Variants in VTA1 observed in about 807,000 individuals in gnomAD.
VTA1 encodes vacuolar protein sorting-associated protein VTA1 homolog.
In VTA1, 24 loss-of-function variants were observed where a neutral mutation model predicts 36.9. The ratio of observed to expected loss-of-function variants is 0.65; its 90% CI spans 0.47 to 0.91. VTA1 has a LOEUF of 0.91. Ranked by LOEUF, VTA1 falls within the 40% of genes least tolerant of loss-of-function variation. VTA1 has a pLI of 0.00. For missense variants in VTA1, 393 were observed against 377.2 expected (o/e 1.04, Z -0.35); for synonymous variants, 142 against 130.2 (o/e 1.09, Z -0.62).
chr6:142,202,953 A>G (rs1253519691), intron 6 of VTA1, among the ~76,000 whole-genome samples: 4 of 152,004 alleles, frequency 2.6e-5, no homozygotes, highest in Admixed American at 2.6e-4. Flanking sequence ...CTGGAAAACA[A>G]TTAAGTGAGG....
At chr6:142,174,047 G>A (rs1214115705) in intron 4 of VTA1, among the ~76,000 whole-genome samples, 1 of 152,088 alleles carries the variant, frequency 6.6e-6, no homozygotes, top group Non-Finnish European at 1.5e-5. Flanking sequence ...TAGTTGGAGG[G>A]GTCTGGAATG....
At chr6:142,190,326 T>C (rs570220873) in intron 5 of VTA1, among the ~76,000 whole-genome samples, 2 of 152,312 alleles carry the variant, frequency 1.3e-5, no homozygotes, top group South Asian at 4.1e-4. Context: ...TAGTTTTTTT[T>C]GTGTATCTTT....
intron 5 of VTA1, among the ~76,000 whole-genome samples, chr6:142,194,873 G>C (rs1035327175): frequency 2.0e-5 from 3 of 151,960 alleles, no homozygotes; most frequent in Admixed American, 6.6e-5. Context: ...GTTGAATTTT[G>C]TCAAGTGCTT....
At chr6:142,196,040 A>G (rs1345662778) in intron 5 of VTA1, among the ~76,000 whole-genome samples, 2 of 152,110 alleles carry the variant, frequency 1.3e-5, no homozygotes, top group Non-Finnish European at 1.5e-5. Flanking sequence ...CTCCAAGTAC[A>G]GTGGTTTTAC....
At chr6:142,208,057 C>G (rs887998003) in intron 7 of VTA1, among the ~76,000 whole-genome samples, 3 of 146,014 alleles carry the variant, frequency 2.1e-5, no homozygotes, top group Non-Finnish European at 4.5e-5. Context: ...ACTGCACTCT[C>G]CAGCCTGGGT....
intron 4 of VTA1, 114 bp from the exon 5 acceptor site, chr6:142,189,312 C>T: frequency 1.3e-6 from 1 of 781,284 alleles, no homozygotes; most frequent in East Asian, 2.7e-5. Context: ...TCTTTTAGAG[C>T]TGTAATCTGC....
rs1776050035 is a variant in VTA1, at chr6:142,218,778, C to G, written c.*135C>G. On this transcript the variant is annotated 3_prime_UTR_variant, in exon 8 of 8. Coordinates refer to ENST00000367630, the MANE Select transcript of VTA1 (RefSeq NM_016485.5). ...ATATGACAATGAAATCTGTGTGTATCAGATTTTTATTGAAGCATTCATCAG... is the reference window on the plus strand; with the variant it reads ...ATATGACAATGAAATCTGTGTGTATGAGATTTTTATTGAAGCATTCATCAG... 2.8e-6 allele frequency: 3 copies of G among 1,059,040 alleles called. No individual in the cohort carries two copies. The highest frequency in any genetic ancestry group is 3.5e-5 in the Admixed American group (1 of 28,248). 65.6% of individuals were successfully genotyped at this position (1,059,040 alleles called of 1,614,324 possible).
chr6:142,194,140 G>T (rs939539599), intron 5 of VTA1, among the ~76,000 whole-genome samples: 2 of 152,116 alleles, frequency 1.3e-5, no homozygotes, highest in African/African-American at 4.8e-5. Flanking sequence ...CCAAAAGAGA[G>T]GTACTGTGCC....
At chr6:142,153,158 C>A (rs1401994483) in intron 1 of VTA1, among the ~76,000 whole-genome samples, 1 of 151,976 alleles carries the variant, frequency 6.6e-6, no homozygotes, top group African/African-American at 2.4e-5. Context: ...TTTACAAATT[C>A]TTAATGAATG....
rs146573976 is a variant in VTA1, at chr6:142,163,732, CAT to C, written c.113-2494_113-2493del. On this transcript the variant is annotated intron_variant, in intron 1 of 7. Coordinates refer to ENST00000367630, the MANE Select transcript of VTA1 (RefSeq NM_016485.5). ...CATGGGCTAGGTTGGGGCAAGAAAACATAGTTCATAATTGAGAGGAGTGAGGA... is the reference window on the plus strand; with the variant it reads ...CATGGGCTAGGTTGGGGCAAGAAAACAGTTCATAATTGAGAGGAGTGAGGA... 3.8e-3 allele frequency among the ~76,000 whole-genome samples: 577 copies of C among 152,042 alleles called. 2 individuals carry two copies. The highest frequency in any genetic ancestry group is 0.014 in the Middle Eastern group (4 of 292).
At chr6:142,180,689 A>G (rs559774072) in intron 4 of VTA1, among the ~76,000 whole-genome samples, 2 of 152,304 alleles carry the variant, frequency 1.3e-5, no homozygotes, top group East Asian at 3.9e-4. Context: ...AACACCACTA[A>G]TATTGGGACA....
intron 1 of VTA1, among the ~76,000 whole-genome samples, chr6:142,163,971 A>G (rs973106234): frequency 1.3e-5 from 2 of 152,150 alleles, no homozygotes; most frequent in African/African-American, 2.4e-5. Context: ...TTTATTTTCC[A>G]TACTCTAGCC....
chr6:142,215,633 A>T (rs1369164473), intron 7 of VTA1, among the ~76,000 whole-genome samples: 1 of 152,146 alleles, frequency 6.6e-6, no homozygotes, highest in Non-Finnish European at 1.5e-5. Context: ...GTCAAAGGAT[A>T]ATAGAGTATA....
intron 1 of VTA1, among the ~76,000 whole-genome samples, chr6:142,157,491 A>G (rs1195411351): frequency 6.6e-6 from 1 of 152,152 alleles, no homozygotes; most frequent in Non-Finnish European, 1.5e-5. Flanking sequence ...CATGAGTTTT[A>G]TTTTGTAAAA....
At chr6:142,161,161 C>G (rs534856218) in intron 1 of VTA1, among the ~76,000 whole-genome samples, 45 of 139,528 alleles carry the variant, frequency 3.2e-4, no homozygotes, top group African/African-American at 1.1e-3. Context: ...TGTACAAAAA[C>G]TGTATAATAA....
At chr6:142,186,729 G>A (rs1208668653) in intron 4 of VTA1, among the ~76,000 whole-genome samples, 3 of 152,054 alleles carry the variant, frequency 2.0e-5, no homozygotes, top group East Asian at 1.9e-4. Context: ...ACATAGTCGG[G>A]TATTTGTCAA....
At chr6:142,195,702 C>T (rs998075742) in intron 5 of VTA1, among the ~76,000 whole-genome samples, 2 of 148,096 alleles carry the variant, frequency 1.4e-5, no homozygotes, top group African/African-American at 5.0e-5. Flanking sequence ...CAGTTTCCCT[C>T]TAAGCATTGG....
chr6:142,213,937 T>G (rs745837737), intron 7 of VTA1, among the ~76,000 whole-genome samples: 3 of 152,344 alleles, frequency 2.0e-5, no homozygotes, highest in Admixed American at 1.3e-4. Flanking sequence ...CTGTGAACAT[T>G]CAACTCCTCT....
At chr6:142,177,395 A>G (rs768737409) in intron 4 of VTA1, among the ~76,000 whole-genome samples, 5 of 152,202 alleles carry the variant, frequency 3.3e-5, no homozygotes, top group Non-Finnish European at 7.3e-5. Flanking sequence ...AAGATGATGA[A>G]AATTGTAATA....
Sources: gnomAD v4.1 joint callset for allele counts (sites outside exome capture counted in the v4.1 genomes callset) on GRCh38, gnomAD v4.1.1 for gene constraint, MANE v1.5 for transcripts, NCBI Gene and HGNC (gene_info 2026-07-23, HGNC 2026-07-21) for gene names.